The following TRAF7 variants were observed in gnomAD, a reference collection of about 807,000 sequenced individuals.
The protein encoded by TRAF7 is TNF receptor associated factor 7.
A neutral mutation model predicts 89.3 loss-of-function variants in TRAF7; 45 were observed. The ratio of observed to expected loss-of-function variants is 0.50; its 90% CI spans 0.40 to 0.65. The LOEUF is 0.65. Among genes scored for constraint, TRAF7 ranks in the 30% least tolerant of loss-of-function variants. The pLI is 0.00. For missense variants in TRAF7, 677 were observed against 918.1 expected (o/e 0.74, Z 3.39); for synonymous variants, 406 against 369.2 (o/e 1.10, Z -1.14).
intron 3 of TRAF7, among the ~76,000 whole-genome samples, chr16:2,167,270 C>T (rs975865272): frequency 6.6e-6 from 1 of 152,190 alleles, no homozygotes; most frequent in African/African-American, 2.4e-5. Context: ...AGGTACCTCA[C>T]CTGGCCCCTC....
At chr16:2,171,048 T>C (rs2093107318) in intron 5 of TRAF7, among the ~76,000 whole-genome samples, 1 of 152,148 alleles carries the variant, frequency 6.6e-6, no homozygotes, top group African/African-American at 2.4e-5. Context: ...GCGGCTGAAC[T>C]CATCCTCCGG....
In TRAF7 at chr16:2,158,376, G is replaced by C. The variant is rs1422268218; in HGVS notation, c.-39+2518G>C. Among the ~76,000 whole-genome samples the C allele has an allele frequency of 6.6e-6, 1 of 152,226 alleles. No homozygotes were observed. The highest frequency in any genetic ancestry group is 1.9e-4 in the East Asian group (1 of 5,188). On this transcript the variant is annotated intron_variant, in intron 1 of 20. Coordinates refer to ENST00000326181, the MANE Select transcript of TRAF7 (RefSeq NM_032271.3). The surrounding 1 kb of genome is among the most constrained non-coding windows in gnomAD (Gnocchi z 4.7). ...AGGTGAAAGGGGAAAGCGGGCACTG[G>C]AGGCTGGGGCTGGTCACGTGTAGAC...
rs758120722 is a variant in TRAF7 at position 2,162,741 on chromosome 16, T to A, written c.-38-1142T>A. The stretch of plus-strand genomic sequence containing the variant: ...CCTCATGGGGTGCTGCGCATGGGCC[T>A]CGAGGTGGACAGTGCAGGTGGGCCC... On this transcript the variant is annotated intron_variant, in intron 1 of 20. Transcript: ENST00000326181. The surrounding 1 kb of genome is among the most constrained non-coding windows in gnomAD (Gnocchi z 5.0). Among the ~76,000 whole-genome samples the A allele has an allele frequency of 2.0e-5, 3 of 152,004 alleles. No homozygotes were observed. The highest frequency in any genetic ancestry group is 2.9e-5 in the Non-Finnish European group (2 of 67,964).
intron 2 of TRAF7, among the ~76,000 whole-genome samples, chr16:2,165,387 G>A (rs1391912584): frequency 8.4e-5 from 11 of 131,348 alleles, no homozygotes; most frequent in Admixed American, 1.5e-4. Flanking sequence ...TGGTCGCATG[G>A]TTAAGCGTGT....
chr16:2,156,820 T>C (rs2093036834), intron 1 of TRAF7, among the ~76,000 whole-genome samples: 1 of 152,050 alleles, frequency 6.6e-6, no homozygotes. Flanking sequence ...AGTAAAGAGC[T>C]TTCTAACTGT....
Position 2,178,115 on chromosome 16 carries a change from ACTCT to A in TRAF7, c.*1542_*1545del. ...CTCAGCTCATTCCCAATAAATTAATACTCTTGATAGCTTATATTCTGGGGGTGCG... is the reference window on the plus strand; with the variant it reads ...CTCAGCTCATTCCCAATAAATTAATATGATAGCTTATATTCTGGGGGTGCG... On this transcript the variant is annotated 3_prime_UTR_variant, in exon 21 of 21. Coordinates refer to ENST00000326181, the MANE Select transcript of TRAF7 (RefSeq NM_032271.3). 4.0e-6 allele frequency: 2 copies of A among 501,838 alleles called. No homozygotes were observed. The highest frequency in any genetic ancestry group is 7.7e-6 in the Non-Finnish European group (2 of 258,530). The allele number at this position is 501,838 out of a possible 1,614,324, so 31.1% of individuals were successfully genotyped here.
At chr16:2,165,394 G>A (rs1167441677) in intron 2 of TRAF7, among the ~76,000 whole-genome samples, 4 of 139,698 alleles carry the variant, frequency 2.9e-5, no homozygotes, top group Admixed American at 7.0e-5. Context: ...ATGGTTAAGC[G>A]TGTGAGTGCT....
intron 1 of TRAF7, among the ~76,000 whole-genome samples, chr16:2,160,876 A>G (rs2141266275): frequency 6.6e-6 from 1 of 151,854 alleles, no homozygotes; most frequent in South Asian, 2.1e-4. Context: ...GCCCCCAGAA[A>G]AGCCTCCCAG....
intron 1 of TRAF7, among the ~76,000 whole-genome samples, chr16:2,157,054 C>T (rs1022463536): frequency 2.0e-5 from 3 of 152,102 alleles, no homozygotes; most frequent in African/African-American, 7.2e-5. Flanking sequence ...AATTTCATGC[C>T]GCCCAGCCTG....
chr16:2,171,196 G>C, intron 5 of TRAF7, 68 bp from the exon 6 acceptor site: 1 of 1,337,896 alleles, frequency 7.5e-7, no homozygotes, highest in Non-Finnish European at 1.0e-6. Context: ...AGAGCGCCTG[G>C]GTGCCTGGGT....
In TRAF7 at chr16:2,159,846, G is replaced by A. The variant is rs996172154; in HGVS notation, c.-39+3988G>A. On this transcript the variant is annotated intron_variant, in intron 1 of 20. Transcript: ENST00000326181. The surrounding 1 kb of genome is among the most constrained non-coding windows in gnomAD (Gnocchi z 6.5). ...TTAAGGCCGGGCCTGGCCCGAGCAG[G>A]GAGCTGCATCTGGAAGCCCCCATCT... is the stretch of plus-strand genomic sequence containing the variant. Among the ~76,000 whole-genome samples, 1 of 152,242 alleles carries A rather than the reference G, an allele frequency of 6.6e-6. No individual in the cohort carries two copies. Among genetic ancestry groups the A allele is most frequent in the Non-Finnish European group, 1.5e-5 (1 of 68,026 alleles).
rs202075312 is a variant in TRAF7, at chr16:2,165,956, C to T, written c.139+20C>T. On this transcript the variant is annotated intron_variant, in intron 3 of 20. Transcript: ENST00000326181. ...CAAAAGGTGAGCCCTTAAGCCAAGG[C>T]CAGCCCAGGCTGGGAATAACCGGGG... is the stretch of plus-strand genomic sequence containing the variant. 1.2e-5 allele frequency: 19 copies of T among 1,613,950 alleles called. No individual in the cohort carries two copies. The highest frequency in any genetic ancestry group is 4.0e-5 in the African/African-American group (3 of 75,066).
At position 2,164,172 on chromosome 16, in the gene TRAF7, G is replaced by A. The variant is rs867740048; in HGVS notation, c.81+171G>A. On this transcript the variant is annotated intron_variant, in intron 2 of 20. Coordinates refer to ENST00000326181, the MANE Select transcript of TRAF7 (RefSeq NM_032271.3). Reference sequence around the variant, plus strand: ...TGTGTGTGTGTGTGCGCGCGCGCGCGCGCGCGCGCACGCGTGCGTGTGTGG... The same window carrying A: ...TGTGTGTGTGTGTGCGCGCGCGCGCACGCGCGCGCACGCGTGCGTGTGTGG... Among the ~76,000 whole-genome samples, 48 of 126,014 alleles carry A rather than the reference G, an allele frequency of 3.8e-4. 1 individual carries two copies. Among genetic ancestry groups the A allele is most frequent in the East Asian group, 3.0e-3 (13 of 4,298 alleles). 82.7% of individuals were successfully genotyped at this position (126,014 alleles called of 152,430 possible). A position where few individuals can be genotyped will look rare whatever the true frequency, so the allele number is the denominator to read the frequency against.
At chr16:2,172,627 C>T (rs1388182786) in intron 9 of TRAF7, 28 bp downstream of exon 9, 18 of 766,076 alleles carry the variant, frequency 2.3e-5, no homozygotes, top group African/African-American at 1.3e-4. Context: ...GGGGGTGGGC[C>T]GGGGTGGGCG....
rs749350622 is a variant in TRAF7 at position 2,172,366 on chromosome 16, C to T, written c.651C>T (p.Ser217=). ...PRGCPFTIKL[S]ARKDHEGSCD... ...GGTGCCCCTTCACCATCAAGCTCAG[C>T]GCCCGGAAGTAAGTGCCCCTCCCTG... The change falls in exon 8 of 21, where the codon AGC becomes AGT. Residue 217 remains serine (S), a synonymous_variant. Coordinates refer to ENST00000326181, the MANE Select transcript of TRAF7 (RefSeq NM_032271.3). 1.2e-4 allele frequency: 201 copies of T among 1,611,648 alleles called. No homozygotes were observed. Among genetic ancestry groups the T allele is most frequent in the Non-Finnish European group, 1.5e-4 (182 of 1,179,500 alleles).
chr16:2,169,078 C>T (rs552609635), intron 4 of TRAF7, among the ~76,000 whole-genome samples: 9 of 152,236 alleles, frequency 5.9e-5, no homozygotes, highest in African/African-American at 9.6e-5. Context: ...CTCCGCCTCC[C>T]GGGTTTAAGT....
At chr16:2,160,553 G>A (rs1266969405) in intron 1 of TRAF7, among the ~76,000 whole-genome samples, 1 of 131,406 alleles carries the variant, frequency 7.6e-6, no homozygotes, top group Non-Finnish European at 1.6e-5. Flanking sequence ...GTGTGGATGG[G>A]CGGGCGGTGT....
intron 1 of TRAF7, among the ~76,000 whole-genome samples, chr16:2,156,606 C>T (rs915496051): frequency 6.6e-6 from 1 of 151,946 alleles, no homozygotes; most frequent in African/African-American, 2.4e-5. Flanking sequence ...GAGGAGCATT[C>T]CAAGTAGAAA....
rs780739314 is a variant in TRAF7, at chr16:2,176,655, G to A, written c.*81G>A. 20 of 1,606,222 alleles carry A rather than the reference G, an allele frequency of 1.2e-5. 1 individual carries two copies. The highest frequency in any genetic ancestry group is 1.1e-4 in the South Asian group (10 of 90,652). On this transcript the variant is annotated 3_prime_UTR_variant, in exon 21 of 21. Coordinates refer to ENST00000326181, the MANE Select transcript of TRAF7 (RefSeq NM_032271.3). The stretch of plus-strand genomic sequence containing the variant: ...CAGGCTGGCCACATGGGGTGGTCTC[G>A]GGGTTTCTGCCTGCCCCGTGGGCAT...
Sources: gnomAD v4.1 joint callset for allele counts (sites outside exome capture counted in the v4.1 genomes callset) on GRCh38, gnomAD v4.1.1 for gene constraint, Gnocchi (gnomAD v3.1) non-coding constraint, MANE v1.5 for transcripts, NCBI Gene and HGNC (gene_info 2026-07-23, HGNC 2026-07-21) for gene names.